The following CDH20 variants were observed in gnomAD, a reference collection of about 807,000 sequenced individuals.
CDH20 encodes the protein cadherin-20.
A neutral mutation model predicts 74.2 loss-of-function variants in CDH20; 29 were observed. The observed-to-expected ratio is 0.39, with a 90% CI of 0.29 to 0.53. The LOEUF (loss-of-function observed/expected upper bound fraction) is 0.53. CDH20 is among the 20% of genes least tolerant of loss of function. The probability of loss-of-function intolerance (pLI) is 0.69; values close to 1 mark genes in which losing one functional copy is unlikely to be tolerated. For synonymous variants in CDH20, 469 were observed against 405.4 expected (o/e 1.16, Z -1.88); for missense variants, 988 against 1,048.3 (o/e 0.94, Z 0.79).
At chr18:61,502,313 G>A (rs1911412258) in intron 4 of CDH20, among the ~76,000 whole-genome samples, 1 of 152,034 alleles carries the variant, frequency 6.6e-6, no homozygotes, top group Admixed American at 6.6e-5. Flanking sequence ...CTTATGCATG[G>A]TAAAAATAAA....
chr18:61,384,551 T>C (rs975300224), intron 1 of CDH20, among the ~76,000 whole-genome samples: 1 of 152,196 alleles, frequency 6.6e-6, no homozygotes, highest in African/African-American at 2.4e-5. Flanking sequence ...CCAAAAAGAT[T>C]GGCTGTCATT....
At chr18:61,546,259 C>T (rs776692992) in intron 10 of CDH20, among the ~76,000 whole-genome samples, 2 of 152,184 alleles carry the variant, frequency 1.3e-5, no homozygotes, top group African/African-American at 2.4e-5. Flanking sequence ...TAGTTTCAAA[C>T]ATCAATTATT....
chr18:61,334,627 G>C (rs1264663597), intron 1 of CDH20, among the ~76,000 whole-genome samples: 1 of 152,152 alleles, frequency 6.6e-6, no homozygotes, highest in African/African-American at 2.4e-5. Context: ...TTAGCAATCG[G>C]AGAGACTGCA....
chr18:61,391,696 A>G (rs1911787188), intron 1 of CDH20: 1 of 152,306 alleles, frequency 6.6e-6, no homozygotes, highest in African/African-American at 2.4e-5. Context: ...GAAGCATTCC[A>G]TATTTTTACA....
chr18:61,347,443 TTGGGAGG>T (rs1568104293), intron 1 of CDH20, among the ~76,000 whole-genome samples: 1 of 149,464 alleles, frequency 6.7e-6, no homozygotes, highest in African/African-American at 2.5e-5. Flanking sequence ...TCACTTGAAC[TTGGGAGG>T]TGGAGGTTGC....
At chr18:61,391,735 G>C (rs1286064950) in intron 1 of CDH20, 1 of 149,548 alleles carries the variant, frequency 6.7e-6, no homozygotes, top group African/African-American at 2.5e-5. Flanking sequence ...ATGTATCCTG[G>C]AACTTAAAAT....
intron 3 of CDH20, among the ~76,000 whole-genome samples, chr18:61,500,006 A>G (rs150229170): frequency 0.013 from 1,934 of 150,498 alleles, 27 homozygotes; most frequent in Middle Eastern, 0.027. Flanking sequence ...CAGGAGGCTG[A>G]GGCAGGGGAA....
chr18:61,490,227 G>A (rs1227403865), intron 1 of CDH20, among the ~76,000 whole-genome samples, 175 bp from the exon 2 acceptor site: 1 of 152,136 alleles, frequency 6.6e-6, no homozygotes, highest in East Asian at 1.9e-4. Context: ...AAGATGTGTT[G>A]TCTTATTATC....
chr18:61,344,637 C>T (rs1391681269), intron 1 of CDH20, among the ~76,000 whole-genome samples: 1 of 152,102 alleles, frequency 6.6e-6, no homozygotes, highest in Non-Finnish European at 1.5e-5. Flanking sequence ...TCAAATAGTG[C>T]AAATTACCAT....
At chr18:61,347,543 A>T (rs2014207) in intron 1 of CDH20, among the ~76,000 whole-genome samples, 1 of 149,000 alleles carries the variant, frequency 6.7e-6, no homozygotes, top group South Asian at 2.1e-4. Context: ...AACAAACAAA[A>T]AAAAAACCAC....
In CDH20 at chr18:61,436,516, A is replaced by G. The variant is rs56249621; in HGVS notation, c.-152-53886A>G. ...GATGACTAATGAAGTTCAGTTTTAG[A>G]TACCTGGATTTGACATGCCTGTGAA... On this transcript the variant is annotated intron_variant, in intron 1 of 11. Coordinates refer to ENST00000262717, the MANE Select transcript of CDH20 (RefSeq NM_031891.4). 3.9e-3 allele frequency among the ~76,000 whole-genome samples: 591 copies of G among 152,276 alleles called. 1 individual carries two copies. The highest frequency in any genetic ancestry group is 0.014 in the African/African-American group (565 of 41,556).
chr18:61,366,062 T>C (rs1165463464), intron 1 of CDH20, among the ~76,000 whole-genome samples: 1 of 152,204 alleles, frequency 6.6e-6, no homozygotes, highest in Non-Finnish European at 1.5e-5. Flanking sequence ...TAATTTGATT[T>C]TCATAATAAT....
intron 1 of CDH20, among the ~76,000 whole-genome samples, chr18:61,360,703 TC>T (rs779250639): frequency 8.5e-5 from 13 of 152,120 alleles, no homozygotes; most frequent in Non-Finnish European, 1.8e-4. Flanking sequence ...GTAGGAATAG[TC>T]CAGGGAGAAG....
chr18:61,414,111 C>T (rs937641812), intron 1 of CDH20, among the ~76,000 whole-genome samples: 2 of 152,052 alleles, frequency 1.3e-5, no homozygotes, highest in East Asian at 3.9e-4. Flanking sequence ...ACTGCATGGT[C>T]CCTCCATCGT....
chr18:61,451,328 A>T (rs922445654), intron 1 of CDH20, among the ~76,000 whole-genome samples: 1 of 151,914 alleles, frequency 6.6e-6, no homozygotes, highest in African/African-American at 2.4e-5. Context: ...TAAATTATAT[A>T]AAAAAACAAA....
Position 61,554,542 on chromosome 18 carries a change from G to C in CDH20, c.2253G>C (p.Glu751Asp), listed in dbSNP as rs750330097. The change falls in exon 12 of 12, where the codon GAG becomes GAC. Residue 751 changes from glutamate (E) to aspartate (D), a missense_variant. Transcript: ENST00000262717. ...PFDSLQTYMFEGDGSVAGSLS... is the reference protein window; with the variant it reads ...PFDSLQTYMFDGDGSVAGSLS... ...ACTCCCTCCAGACGTATATGTTCGA[G>C]GGGGACGGCTCTGTGGCGGGGTCGC... 3 of 1,613,044 alleles carry C rather than the reference G, an allele frequency of 1.9e-6. No homozygotes were observed. The South Asian group carries it at 3.3e-5, about 18-fold the overall frequency.
chr18:61,502,542 G>A (rs1911418831), intron 4 of CDH20, among the ~76,000 whole-genome samples: 1 of 152,128 alleles, frequency 6.6e-6, no homozygotes, highest in Non-Finnish European at 1.5e-5. Context: ...AAGAAACTGA[G>A]GGAGAATTAT....
chr18:61,345,711 A>G (rs1910095324), intron 1 of CDH20, among the ~76,000 whole-genome samples: 1 of 152,194 alleles, frequency 6.6e-6, no homozygotes, highest in South Asian at 2.1e-4. Flanking sequence ...ATGATGGGAA[A>G]TGTTCTGAAT....
intron 6 of CDH20, among the ~76,000 whole-genome samples, chr18:61,513,519 TG>T (rs1157160977): frequency 2.9e-5 from 4 of 140,296 alleles, no homozygotes; most frequent in Non-Finnish European, 6.2e-5. Flanking sequence ...AATATTGTTA[TG>T]TGTGAATTTG....
Sources: allele counts gnomAD v4.1 joint callset (sites outside exome capture counted in the v4.1 genomes callset), GRCh38; gene constraint gnomAD v4.1.1; transcripts MANE v1.5; gene names NCBI Gene and HGNC (gene_info 2026-07-23, HGNC 2026-07-21).